ZCCHC7: variants seen among roughly 807,000 people sequenced by gnomAD.
The protein encoded by ZCCHC7 is zinc finger CCHC domain-containing protein 7.
Under a neutral mutation model 52.0 loss-of-function variants are expected in ZCCHC7, and 35 were observed. That is an observed-to-expected ratio of 0.67 (90% CI 0.51 to 0.89). The LOEUF (loss-of-function observed/expected upper bound fraction) is 0.89. Among genes scored for constraint, ZCCHC7 ranks in the 40% least tolerant of loss-of-function variants. The probability of loss-of-function intolerance (pLI) is 0.00; values close to 1 mark genes in which losing one functional copy is unlikely to be tolerated. For synonymous variants in ZCCHC7, 217 were observed against 221.5 expected, an observed-to-expected ratio of 0.98 and a Z score of 0.18; for missense variants, 574 against 649.1, an observed-to-expected ratio of 0.88 and a Z score of 1.26.
chr9:37,135,830 T>C (rs1443241184), intron 2 of ZCCHC7, among the ~76,000 whole-genome samples: 1 of 152,180 alleles, frequency 6.6e-6, no homozygotes, highest in Non-Finnish European at 1.5e-5. Context: ...TAAATCCCTT[T>C]TTCTCCCAAA....
At chr9:37,338,796 A>T (rs1830800017) in intron 6 of ZCCHC7, among the ~76,000 whole-genome samples, 1 of 152,106 alleles carries the variant, frequency 6.6e-6, no homozygotes, top group South Asian at 2.1e-4. Context: ...TTCTTTTTAA[A>T]CAGAGAAAAT....
At chr9:37,278,034 G>GTGTTTTGTTTTGTTTTGTTT (rs370369181) in intron 2 of ZCCHC7, among the ~76,000 whole-genome samples, 1,747 of 142,908 alleles carry the variant, frequency 0.012, 44 homozygotes, top group African/African-American at 0.042. Context: ...GTGTGTGTGT[G>GTGTTTTGTTTTGTTTTGTTT]TGTTTTGTTT....
At chr9:37,121,661 A>G (rs1842321430) in intron 1 of ZCCHC7, 1 of 152,212 alleles carries the variant, frequency 6.6e-6, no homozygotes, top group African/African-American at 2.4e-5. Flanking sequence ...TATTAATATG[A>G]TAATTAGCAC....
chr9:37,168,760 T>C (rs1821567063), intron 2 of ZCCHC7, among the ~76,000 whole-genome samples: 2 of 152,038 alleles, frequency 1.3e-5, no homozygotes, highest in African/African-American at 4.8e-5. Flanking sequence ...AGTACATATT[T>C]GAGGAGTAGA....
chr9:37,250,121 A>T (rs1826256956), intron 2 of ZCCHC7, among the ~76,000 whole-genome samples: 1 of 152,174 alleles, frequency 6.6e-6, no homozygotes, highest in East Asian at 1.9e-4. Context: ...TGTTGTGAAG[A>T]CTAAGTGAAT....
chr9:37,193,389 C>T (rs1823119341), intron 2 of ZCCHC7, among the ~76,000 whole-genome samples: 1 of 152,010 alleles, frequency 6.6e-6, no homozygotes, highest in Admixed American at 6.6e-5. Context: ...AATTCTCCTA[C>T]AATAGGAAAT....
intron 2 of ZCCHC7, among the ~76,000 whole-genome samples, chr9:37,132,303 A>T (rs1842817643): frequency 6.6e-6 from 1 of 152,184 alleles, no homozygotes; most frequent in Non-Finnish European, 1.5e-5. Flanking sequence ...CTGGTTAGGG[A>T]AGGGATATTA....
In ZCCHC7 at chr9:37,356,903, C is replaced by A. The variant is rs1431428462; in HGVS notation, c.1267C>A (p.Pro423Thr). Residue 423 changes from proline to threonine, a missense_variant, in exon 9 of 9, where the codon CCC becomes ACC. Physicochemically the swap from Pro to Thr is conservative, Grantham distance 38. Transcript: ENST00000336755. Reference sequence around the variant, plus strand: ...TTATATAAAAGCAGCAAATGAGAACCCCCACCATGATATAAGGAAGGGCCG... The same window carrying A: ...TTATATAAAAGCAGCAAATGAGAACACCCACCATGATATAAGGAAGGGCCG... ...LPYIKAANEN[P>T]HHDIRKGRAS... 10 of 1,613,306 alleles carry A rather than the reference C, an allele frequency of 6.2e-6. No homozygotes were observed. The highest frequency in any genetic ancestry group is 8.5e-6 in the Non-Finnish European group (10 of 1,179,868).
At chr9:37,332,989 T>C (rs1056779719) in intron 6 of ZCCHC7, among the ~76,000 whole-genome samples, 7 of 151,696 alleles carry the variant, frequency 4.6e-5, no homozygotes, top group African/African-American at 1.7e-4. Flanking sequence ...AGTATTTTCT[T>C]CTTTACAAAG....
chr9:37,337,193 A>T (rs1439121454), intron 6 of ZCCHC7, among the ~76,000 whole-genome samples: 1 of 152,190 alleles, frequency 6.6e-6, no homozygotes, highest in Non-Finnish European at 1.5e-5. Context: ...CAAATAGATT[A>T]AAAAACAGCA....
chr9:37,269,636 A>AC (rs1290468398), intron 2 of ZCCHC7, among the ~76,000 whole-genome samples: 1 of 148,404 alleles, frequency 6.7e-6, no homozygotes, highest in Non-Finnish European at 1.5e-5. Context: ...AAAAAAAAAA[A>AC]AAAAAAAAAA....
intron 2 of ZCCHC7, among the ~76,000 whole-genome samples, chr9:37,155,477 T>G (rs1180022990): frequency 6.6e-6 from 1 of 152,234 alleles, no homozygotes. Flanking sequence ...TGACAATAAT[T>G]TTTTAATTAA....
At chr9:37,259,592 A>G (rs1826765801) in intron 2 of ZCCHC7, among the ~76,000 whole-genome samples, 1 of 152,218 alleles carries the variant, frequency 6.6e-6, no homozygotes, top group Admixed American at 6.5e-5. Context: ...TTTCTGATAA[A>G]TTATTTCAAA....
intron 2 of ZCCHC7, among the ~76,000 whole-genome samples, chr9:37,247,057 TTA>T (rs1291060884): frequency 6.6e-6 from 1 of 152,174 alleles, no homozygotes; most frequent in African/African-American, 2.4e-5. Flanking sequence ...TGAAATTTTG[TTA>T]TCTTTGACAG....
At chr9:37,324,789 A>T (rs988125712) in intron 5 of ZCCHC7, among the ~76,000 whole-genome samples, 6 of 152,036 alleles carry the variant, frequency 3.9e-5, no homozygotes, top group African/African-American at 1.2e-4. Context: ...GGCCAAGGGG[A>T]GCTGAGGAGG....
At chr9:37,321,131 G>A (rs1386499812) in intron 5 of ZCCHC7, among the ~76,000 whole-genome samples, 2 of 151,688 alleles carry the variant, frequency 1.3e-5, no homozygotes, top group Non-Finnish European at 2.9e-5. Context: ...TGGGACTACA[G>A]GCGCGTGCCA....
In ZCCHC7 at chr9:37,357,487, C is replaced by T. The variant is rs1289863173; in HGVS notation, c.*219C>T. On this transcript the variant is annotated 3_prime_UTR_variant, in exon 9 of 9. Coordinates refer to ENST00000336755, the MANE Select transcript of ZCCHC7 (RefSeq NM_032226.3). ...AAGAAAGTACAAAGATAAACCTGGACTTCTCCTATTCCAATATGTCATCTT... is the reference window on the plus strand; with the variant it reads ...AAGAAAGTACAAAGATAAACCTGGATTTCTCCTATTCCAATATGTCATCTT... 8.5e-6 allele frequency: 3 copies of T among 352,854 alleles called. No homozygotes were observed. Among genetic ancestry groups the T allele is most frequent in the African/African-American group, 6.3e-5 (3 of 47,452 alleles). The allele number at this position is 352,854 out of a possible 1,614,324, so 21.9% of individuals were successfully genotyped here. A position where few individuals can be genotyped will look rare whatever the true frequency, so the allele number is the denominator to read the frequency against.
At chr9:37,216,072 A>G (rs1413836062) in intron 2 of ZCCHC7, among the ~76,000 whole-genome samples, 1 of 152,218 alleles carries the variant, frequency 6.6e-6, no homozygotes, top group Non-Finnish European at 1.5e-5. Flanking sequence ...CTCAGAGAAT[A>G]TTACTTGATC....
intron 7 of ZCCHC7, among the ~76,000 whole-genome samples, chr9:37,353,065 A>G (rs769863298): frequency 4.0e-4 from 60 of 151,236 alleles, no homozygotes; most frequent in South Asian, 1.0e-3. Context: ...AAACTTCTGG[A>G]AAAACTACTG....
Sources: gnomAD v4.1 joint callset for allele counts (sites outside exome capture counted in the v4.1 genomes callset) on GRCh38, gnomAD v4.1.1 for gene constraint, MANE v1.5 for transcripts, NCBI Gene and HGNC (gene_info 2026-07-23, HGNC 2026-07-21) for gene names.